Variants in FOSL2 observed in about 807,000 individuals in gnomAD.
FOSL2 encodes fos-related antigen 2.
In FOSL2, 3 loss-of-function variants were observed where a neutral mutation model predicts 27.7. The observed-to-expected ratio is 0.11, with a 90% CI of 0.05 to 0.28. The LOEUF (loss-of-function observed/expected upper bound fraction) is 0.28, where lower values mean the gene tolerates loss of function less well. Ranked by LOEUF, FOSL2 falls within the 10% of genes least tolerant of loss-of-function variation. The probability of loss-of-function intolerance (pLI) is 1.00; values close to 1 mark genes in which losing one functional copy is unlikely to be tolerated. For synonymous variants in FOSL2, 179 were observed against 190.1 expected, an observed-to-expected ratio of 0.94 and a Z score of 0.48; for missense variants, 333 against 445.1, an observed-to-expected ratio of 0.75 and a Z score of 2.27.
rs990644868 is a variant in FOSL2 at position 28,415,301 on chromosome 2, A to C, written c.*2853A>C. The stretch of plus-strand genomic sequence containing the variant: ...GAATAGTCCTCTCCCTGGCCAGTTG[A>C]ATGGGGGAAGCTGCTGGCACAGGAA... On this transcript the variant is annotated 3_prime_UTR_variant, in exon 4 of 4. Transcript: ENST00000264716. 1.3e-5 allele frequency: 2 copies of C among 152,132 alleles called. No homozygotes were observed. Among genetic ancestry groups the C allele is most frequent in the East Asian group, 3.9e-4 (2 of 5,190 alleles). The allele number at this position is 152,132 out of a possible 1,614,324, so 9.4% of individuals were successfully genotyped here.
chr2:28,403,362 C>T (rs560437142), intron 1 of FOSL2, among the ~76,000 whole-genome samples: 2 of 152,274 alleles, frequency 1.3e-5, no homozygotes, highest in African/African-American at 2.4e-5. Flanking sequence ...CAGAGTTTCC[C>T]ACAGAAACAT....
intron 1 of FOSL2, among the ~76,000 whole-genome samples, chr2:28,396,248 G>A (rs1346365116): frequency 1.3e-5 from 2 of 151,640 alleles, no homozygotes; most frequent in Non-Finnish European, 2.9e-5. Context: ...GCTTCATGAA[G>A]CTGGATCTTA....
In FOSL2 at chr2:28,415,258, C is replaced by T. The variant is rs1664290052; in HGVS notation, c.*2810C>T. On this transcript the variant is annotated 3_prime_UTR_variant, in exon 4 of 4. Coordinates refer to ENST00000264716, the MANE Select transcript of FOSL2 (RefSeq NM_005253.4). ...GTAAAACACACCGTCTTCTTGGCCTCCTGGCCAGTCTTTCTGCGAATAGTC... is the reference window on the plus strand; with the variant it reads ...GTAAAACACACCGTCTTCTTGGCCTTCTGGCCAGTCTTTCTGCGAATAGTC... The T allele has an allele frequency of 6.6e-6, 1 of 152,280 alleles. No homozygotes were observed. The highest frequency in any genetic ancestry group is 2.4e-5 in the African/African-American group (1 of 41,462). The allele number at this position is 152,280 out of a possible 1,614,324, so 9.4% of individuals were successfully genotyped here.
At position 28,415,899 on chromosome 2, in the gene FOSL2, T is replaced by G. The variant is rs1438113774; in HGVS notation, c.*3451T>G. On this transcript the variant is annotated 3_prime_UTR_variant, in exon 4 of 4. Coordinates refer to ENST00000264716, the MANE Select transcript of FOSL2 (RefSeq NM_005253.4). ...TCTCAAGGACTTATCCCCTACAATATTCTCCCACTCCATACTTCTCCTTCT... is the reference window on the plus strand; with the variant it reads ...TCTCAAGGACTTATCCCCTACAATAGTCTCCCACTCCATACTTCTCCTTCT... The G allele has an allele frequency of 2.0e-5, 3 of 152,140 alleles. No individual in the cohort carries two copies. The East Asian group carries it at 5.8e-4, about 29-fold the overall frequency. 9.4% of individuals were successfully genotyped at this position (152,140 alleles called of 1,614,324 possible).
chr2:28,393,613 C>G lies in FOSL2; in HGVS notation c.-108C>G. 1 of 781,668 alleles carries G rather than the reference C, an allele frequency of 1.3e-6. No homozygotes were observed. Among genetic ancestry groups the G allele is most frequent in the Non-Finnish European group, 2.1e-6 (1 of 486,112 alleles). The allele number at this position is 781,668 out of a possible 1,614,324, so 48.4% of individuals were successfully genotyped here. ...GAAACCCAGGAGCGAAGCCCAGAGCCCGCGGCGCGGCCGGCGGACGAACGA... is the reference window on the plus strand; with the variant it reads ...GAAACCCAGGAGCGAAGCCCAGAGCGCGCGGCGCGGCCGGCGGACGAACGA... On this transcript the variant is annotated 5_prime_UTR_variant, in exon 1 of 4. Coordinates refer to ENST00000264716, the MANE Select transcript of FOSL2 (RefSeq NM_005253.4). The surrounding 1 kb of genome is among the most constrained non-coding windows in gnomAD (Gnocchi z 4.6).
chr2:28,407,625 G>T (rs570021504), intron 2 of FOSL2, among the ~76,000 whole-genome samples: 1 of 152,200 alleles, frequency 6.6e-6, no homozygotes, highest in South Asian at 2.1e-4. Flanking sequence ...CAGGTGTCCC[G>T]TGAGAGCTGA....
In FOSL2 at chr2:28,412,175, G is replaced by A. The variant is rs775262049; in HGVS notation, c.708G>A (p.Ala236=). The A allele has an allele frequency of 3.4e-5, 55 of 1,607,562 alleles. No individual in the cohort carries two copies. Among genetic ancestry groups the A allele is most frequent in the South Asian group, 5.5e-5 (5 of 90,984 alleles). Residue 236 remains alanine, a synonymous_variant, in exon 4 of 4, where the codon GCG becomes GCA. Coordinates refer to ENST00000264716, the MANE Select transcript of FOSL2 (RefSeq NM_005253.4). The surrounding 1 kb of genome is among the most constrained non-coding windows in gnomAD (Gnocchi z 7.1). ...LEEDSPSSSS[A]GLDKAQRSVI... ...AGGACAGCCCCTCGTCCTCGTCGGC[G>A]GGGCTGGACAAGGCCCAGCGCTCTG...
At position 28,407,882 on chromosome 2, in the gene FOSL2, A is replaced by G. The variant is rs367713858; in HGVS notation, c.355-877A>G. ...TAGAGCAGAGTTCATGCTTTCCGGT[A>G]TGAGTGACAGATTCCTAACTGTCTC... is the stretch of plus-strand genomic sequence containing the variant. On this transcript the variant is annotated intron_variant, in intron 2 of 3. Coordinates refer to ENST00000264716, the MANE Select transcript of FOSL2 (RefSeq NM_005253.4). Among the ~76,000 whole-genome samples the G allele has an allele frequency of 3.3e-5, 5 of 152,334 alleles. No individual in the cohort carries two copies. The South Asian group carries it at 6.2e-4, about 19-fold the overall frequency.
chr2:28,409,730 A>G (rs775731098), intron 3 of FOSL2, among the ~76,000 whole-genome samples: 6 of 152,186 alleles, frequency 3.9e-5, no homozygotes, highest in Non-Finnish European at 7.4e-5. Flanking sequence ...ACATCCCCTC[A>G]CACTTTTTTT....
chr2:28,394,986 T>C (rs925344768), intron 1 of FOSL2, among the ~76,000 whole-genome samples: 1 of 144,966 alleles, frequency 6.9e-6, no homozygotes, highest in Non-Finnish European at 1.5e-5. Flanking sequence ...TGGCTCTCTT[T>C]TGGATCTGAT....
chr2:28,396,333 T>C (rs925937842), intron 1 of FOSL2, among the ~76,000 whole-genome samples: 3 of 152,172 alleles, frequency 2.0e-5, no homozygotes, highest in Non-Finnish European at 4.4e-5. Context: ...TCTGTTCTTA[T>C]ATATGGCAGG....
In FOSL2 at chr2:28,408,455, A is replaced by G. The variant is rs1422216242; in HGVS notation, c.355-304A>G. ...TGAGCACTGAATCAGGGCTGATGTG[A>G]TAGGTGCTGCCATCATGCCTGGGCC... is the stretch of plus-strand genomic sequence containing the variant. On this transcript the variant is annotated intron_variant, in intron 2 of 3. Coordinates refer to ENST00000264716, the MANE Select transcript of FOSL2 (RefSeq NM_005253.4). The surrounding 1 kb of genome is among the most constrained non-coding windows in gnomAD (Gnocchi z 4.1). Among the ~76,000 whole-genome samples the G allele has an allele frequency of 6.6e-6, 1 of 152,164 alleles. No homozygotes were observed. The highest frequency in any genetic ancestry group is 1.5e-5 in the Non-Finnish European group (1 of 68,028).
At chr2:28,398,332 A>G (rs970469517) in intron 1 of FOSL2, among the ~76,000 whole-genome samples, 1 of 152,230 alleles carries the variant, frequency 6.6e-6, no homozygotes, top group Non-Finnish European at 1.5e-5. Context: ...GGGAAGGTAT[A>G]AGATTTCTCC....
intron 1 of FOSL2, among the ~76,000 whole-genome samples, chr2:28,399,836 C>A (rs76510751): frequency 0.049 from 7,384 of 152,188 alleles, 604 homozygotes; most frequent in African/African-American, 0.17. Context: ...TGGCACAGTC[C>A]TGCCTATTTG....
chr2:28,416,671 A>G lies in FOSL2; in HGVS notation c.*4223A>G, dbSNP rs1664318066. The G allele has an allele frequency of 6.6e-6, 1 of 152,124 alleles. No individual in the cohort carries two copies. Among genetic ancestry groups the G allele is most frequent in the Non-Finnish European group, 1.5e-5 (1 of 68,024 alleles). 9.4% of individuals were successfully genotyped at this position (152,124 alleles called of 1,614,324 possible). A position where few individuals can be genotyped will look rare whatever the true frequency, so the allele number is the denominator to read the frequency against. ...TCTCAAAAATTATTTTCTCTGTATG[A>G]TTAAAAGTTTATTCCATTTATTTTA... On this transcript the variant is annotated 3_prime_UTR_variant, in exon 4 of 4. Coordinates refer to ENST00000264716, the MANE Select transcript of FOSL2 (RefSeq NM_005253.4).
intron 1 of FOSL2, among the ~76,000 whole-genome samples, chr2:28,398,823 G>A (rs1315225442): frequency 6.6e-6 from 1 of 152,224 alleles, no homozygotes; most frequent in Non-Finnish European, 1.5e-5. Flanking sequence ...AATGTCAGAG[G>A]TCAAAGTGAT....
In FOSL2 at chr2:28,412,538, A is replaced by T; in HGVS notation, c.*90A>T. The T allele has an allele frequency of 6.9e-7, 1 of 1,448,444 alleles. No homozygotes were observed. Among genetic ancestry groups the T allele is most frequent in the Non-Finnish European group, 9.3e-7 (1 of 1,078,904 alleles). 89.7% of individuals were successfully genotyped at this position (1,448,444 alleles called of 1,614,324 possible). On this transcript the variant is annotated 3_prime_UTR_variant, in exon 4 of 4. Coordinates refer to ENST00000264716, the MANE Select transcript of FOSL2 (RefSeq NM_005253.4). The surrounding 1 kb of genome is among the most constrained non-coding windows in gnomAD (Gnocchi z 7.1). The stretch of plus-strand genomic sequence containing the variant: ...CACCTTCAAGCGCTCCAGGGCCGTG[A>T]GGGCAAGAGGGGGACCTGCCACCAG...
chr2:28,408,766 C>T lies in FOSL2; in HGVS notation c.362C>T (p.Pro121Leu), dbSNP rs369462754. ...CTTGGCTTTGGCCTCTAGCTGTCTCCTGAAGAGGAGGAGAAGCGTCGCATC... is the reference window on the plus strand; with the variant it reads ...CTTGGCTTTGGCCTCTAGCTGTCTCTTGAAGAGGAGGAGAAGCGTCGCATC... ...GRRRRDEQLS[P>L]EEEEKRRIRR... The change falls in exon 3 of 4, where the codon CCT becomes CTT. Residue 121 changes from proline to leucine, a missense_variant. Coordinates refer to ENST00000264716, the MANE Select transcript of FOSL2 (RefSeq NM_005253.4). This position sits in a 1 kb window ranked among gnomAD's most constrained non-coding sequence, Gnocchi z 4.1. 1 of 1,610,200 alleles carries T rather than the reference C, an allele frequency of 6.2e-7. No individual in the cohort carries two copies. Among genetic ancestry groups the T allele is most frequent in the African/African-American group, 1.3e-5 (1 of 74,936 alleles).
chr2:28,395,724 C>T (rs1387063840), intron 1 of FOSL2: 2 of 152,168 alleles, frequency 1.3e-5, no homozygotes, highest in Admixed American at 1.3e-4. Context: ...AGACGCCTGC[C>T]CATTCGGCCC....
Sources: allele counts gnomAD v4.1 joint callset (sites outside exome capture counted in the v4.1 genomes callset), GRCh38; gene constraint gnomAD v4.1.1; non-coding constraint Gnocchi (gnomAD v3.1); transcripts MANE v1.5; gene names NCBI Gene and HGNC (gene_info 2026-07-23, HGNC 2026-07-21).